The following SLC67A2 variants were observed in gnomAD, a reference collection of about 807,000 sequenced individuals.
SLC67A2 encodes the protein solute carrier family 67 member 2.
At chr2:102,736,850 G>T in the SLC67A2 span, 5 of 1,559,260 alleles carry the variant, frequency 3.2e-6, no homozygotes, top group Non-Finnish European at 4.3e-6. Context: ...AGCAGCCGCG[G>T]ACCTACCCCG....
the SLC67A2 span, chr2:102,718,265 C>T: frequency 1.2e-6 from 1 of 818,624 alleles, no homozygotes. Context: ...GGCATGGCTG[C>T]ATGGCCAAGA....
chr2:102,721,961 C>G, the SLC67A2 span, among the ~76,000 whole-genome samples: 1 of 152,220 alleles, frequency 6.6e-6, no homozygotes, highest in Admixed American at 6.5e-5. Context: ...GCGCTTCAGC[C>G]TCCCAGAGTG....
At chr2:102,723,246 G>A in the SLC67A2 span, among the ~76,000 whole-genome samples, 1,635 of 152,336 alleles carry the variant, frequency 0.011, 34 homozygotes, top group African/African-American at 0.038. Context: ...AGAGGCGGCG[G>A]ATCGCATGAG....
the SLC67A2 span, chr2:102,732,217 T>C: frequency 9.9e-7 from 1 of 1,006,434 alleles, no homozygotes; most frequent in Non-Finnish European, 1.6e-6. Flanking sequence ...CATTTCCCAC[T>C]TACCTTTGGA....
chr2:102,731,669 C>T, the SLC67A2 span, among the ~76,000 whole-genome samples: 1 of 152,154 alleles, frequency 6.6e-6, no homozygotes, highest in Non-Finnish European at 1.5e-5. Flanking sequence ...CGGCATGGAC[C>T]ATGATTTAAC....
the SLC67A2 span, among the ~76,000 whole-genome samples, chr2:102,727,737 T>C: frequency 5.3e-5 from 8 of 152,224 alleles, no homozygotes; most frequent in Non-Finnish European, 1.0e-4. Context: ...TGCCATATAC[T>C]GACCAATTAC....
chr2:102,726,274 A>G, the SLC67A2 span, among the ~76,000 whole-genome samples: 1 of 152,190 alleles, frequency 6.6e-6, no homozygotes, highest in Non-Finnish European at 1.5e-5. Context: ...CAGGCTCACC[A>G]AGGGACAGAA....
chr2:102,719,336 G>A, the SLC67A2 span: 1 of 899,798 alleles, frequency 1.1e-6, no homozygotes, highest in Non-Finnish European at 1.7e-6. Context: ...TTACTAGTCT[G>A]TATTTTTGTA....
At chr2:102,722,781 G>A in the SLC67A2 span, among the ~76,000 whole-genome samples, 4 of 151,956 alleles carry the variant, frequency 2.6e-5, no homozygotes, top group Non-Finnish European at 5.9e-5. Flanking sequence ...TACCTGAAAC[G>A]AAAAAGCTTC....
chr2:102,717,945 C>T, the SLC67A2 span: 1 of 154,628 alleles, frequency 6.5e-6, no homozygotes, highest in Admixed American at 6.4e-5. Flanking sequence ...TAGAAAACTC[C>T]CTCCTAGTGT....
chr2:102,716,165 T>C, the SLC67A2 span: 1 of 152,242 alleles, frequency 6.6e-6, no homozygotes, highest in African/African-American at 2.4e-5. Context: ...CTCTACTCTA[T>C]ATTCTAAGAT....
At chr2:102,722,316 A>T in the SLC67A2 span, among the ~76,000 whole-genome samples, 190 of 152,296 alleles carry the variant, frequency 1.2e-3, no homozygotes, top group African/African-American at 3.8e-3. Flanking sequence ...CCTGGCATAC[A>T]TATGGTAGAC....
chr2:102,730,971 A>G, the SLC67A2 span: 4 of 1,514,354 alleles, frequency 2.6e-6, no homozygotes, highest in African/African-American at 5.5e-5. Flanking sequence ...GATAAACTTC[A>G]AGTCCCCAAT....
chr2:102,731,791 G>A, the SLC67A2 span, among the ~76,000 whole-genome samples: 1 of 152,200 alleles, frequency 6.6e-6, no homozygotes, highest in East Asian at 1.9e-4. Flanking sequence ...AAGCCCTGCT[G>A]TCTCTTGCCT....
the SLC67A2 span, chr2:102,718,519 G>C: frequency 6.7e-5 from 108 of 1,605,876 alleles, no homozygotes; most frequent in South Asian, 6.5e-4. Flanking sequence ...CGCCCAGGCT[G>C]GGGGGGCCGC....
the SLC67A2 span, chr2:102,726,964 C>T: frequency 6.2e-7 from 1 of 1,613,570 alleles, no homozygotes. Context: ...CACTACATCG[C>T]TCCAGCAGCC....
chr2:102,736,693 C>T, the SLC67A2 span: 12 of 1,613,456 alleles, frequency 7.4e-6, no homozygotes, highest in African/African-American at 2.7e-5. Context: ...CGGGCTCCGA[C>T]GGCACCGGAG....
the SLC67A2 span, among the ~76,000 whole-genome samples, chr2:102,725,071 C>T: frequency 6.6e-6 from 1 of 152,146 alleles, no homozygotes; most frequent in Non-Finnish European, 1.5e-5. Context: ...CGTGAACAAC[C>T]CAGCCTAAGC....
At chr2:102,730,441 C>T in the SLC67A2 span, among the ~76,000 whole-genome samples, 1 of 151,928 alleles carries the variant, frequency 6.6e-6, no homozygotes, top group African/African-American at 2.4e-5. Context: ...TATAAAAAAG[C>T]TTTTATTTAG....
Sources: allele counts gnomAD v4.1 joint callset (sites outside exome capture counted in the v4.1 genomes callset), GRCh38; gene constraint gnomAD v4.1.1; transcripts MANE v1.5; gene names NCBI Gene and HGNC (gene_info 2026-07-23, HGNC 2026-07-21).